The following ZNF12 variants were observed in gnomAD, a reference collection of about 807,000 sequenced individuals.
ZNF12 encodes the protein zinc finger protein 12, also known as gonadotropin inducible transcription repressor 3.
In ZNF12, 34 loss-of-function variants were observed where a neutral mutation model predicts 66.6. The observed-to-expected ratio is 0.51, with a 90% CI of 0.39 to 0.68. ZNF12 has a LOEUF of 0.68. Ranked by LOEUF, ZNF12 falls within the 30% of genes least tolerant of loss-of-function variation. The probability of loss-of-function intolerance (pLI) is 0.00; values close to 1 mark genes in which losing one functional copy is unlikely to be tolerated. For missense variants in ZNF12, 697 were observed against 826.9 expected (o/e 0.84, Z 1.93); for synonymous variants, 320 against 278.9 (o/e 1.15, Z -1.47).
At position 6,697,987 on chromosome 7, in the gene ZNF12, T is replaced by C; in HGVS notation, c.16-176A>G. The C allele has an allele frequency of 4.5e-6, 4 of 881,652 alleles. No homozygotes were observed. The highest frequency in any genetic ancestry group is 7.6e-6 in the Non-Finnish European group (4 of 525,580). 54.6% of individuals were successfully genotyped at this position (881,652 alleles called of 1,614,324 possible). On this transcript the variant is annotated intron_variant, in intron 2 of 4. Transcript: ENST00000405858. This position sits in a 1 kb window ranked among gnomAD's most constrained non-coding sequence, Gnocchi z 6.1. ...ACACTGTTCTGGGGTTCATTCAGTA[T>C]ACATCAAACAAAAAACAAAAAACAA...
Position 6,690,419 on chromosome 7 carries a change from GTA to G in ZNF12, c.*427_*428del, listed in dbSNP as rs1458471876. On this transcript the variant is annotated 3_prime_UTR_variant, in exon 5 of 5. Transcript: ENST00000405858. ...TTTACAGTTTCTATTTACACAAGAA[GTA>G]TGTTTATTCACAGCAGGAATCTTCT... 6.5e-6 allele frequency: 1 copy of G among 152,822 alleles called. No homozygotes were observed. Among genetic ancestry groups the G allele is most frequent in the African/African-American group, 2.4e-5 (1 of 41,046 alleles). 9.5% of individuals were successfully genotyped at this position (152,822 alleles called of 1,614,324 possible).
rs772033062 is a variant in ZNF12 at position 6,692,636 on chromosome 7, T to C, written c.306A>G (p.Gln102=). ...IQEEENKPSR[Q]TVFIETLIEE... is the part of the protein sequence containing the mutation. ...CAATCAGGGTCTCAATGAACACAGT[T>C]TGCCTTGAAGGTTTATTTTCCTCTT... The change falls in exon 5 of 5, where the codon CAA becomes CAG. Residue 102 remains glutamine (Q), a synonymous_variant. Transcript: ENST00000405858. The surrounding 1 kb of genome is among the most constrained non-coding windows in gnomAD (Gnocchi z 5.1). 6.2e-7 allele frequency: 1 copy of C among 1,612,772 alleles called. No homozygotes were observed. The highest frequency in any genetic ancestry group is 2.2e-5 in the East Asian group (1 of 44,856).
rs776369949 is a variant in ZNF12, at chr7:6,691,715, G to A, written c.1227C>T (p.Tyr409=). 1 of 1,613,724 alleles carries A rather than the reference G, an allele frequency of 6.2e-7. No homozygotes were observed. Among genetic ancestry groups the A allele is most frequent in the Non-Finnish European group, 8.5e-7 (1 of 1,179,834 alleles). ...AGCATTTCCCACATTCACTACACTT[G>A]TAGAGTTTCACACCTGTGTGAATTT... ...HQKIHTGVKL[Y]KCSECGKCFC... Residue 409 remains tyrosine (Y), a synonymous_variant, in exon 5 of 5, where the codon TAC becomes TAT. Coordinates refer to ENST00000405858, the MANE Select transcript of ZNF12 (RefSeq NM_016265.4).
chr7:6,701,669 T>A (rs1022208506), intron 2 of ZNF12, among the ~76,000 whole-genome samples: 1 of 152,080 alleles, frequency 6.6e-6, no homozygotes, highest in Admixed American at 6.6e-5. Context: ...GCTGACGAGC[T>A]ATTTCCCTGA....
rs1003335325 is a variant in ZNF12, at chr7:6,706,911, A to T, written c.-530T>A. The T allele has an allele frequency of 2.4e-6, 1 of 413,836 alleles. No homozygotes were observed. Among genetic ancestry groups the T allele is most frequent in the Non-Finnish European group, 4.8e-6 (1 of 208,362 alleles). The allele number at this position is 413,836 out of a possible 1,614,324, so 25.6% of individuals were successfully genotyped here. A position where few individuals can be genotyped will look rare whatever the true frequency, so the allele number is the denominator to read the frequency against. ...AGGCCAAAGCCTGGGAACTAGGGCG[A>T]GCGGTGACCTGGGGACGCACAGGAA... On this transcript the variant is annotated 5_prime_UTR_variant, in exon 1 of 5. Coordinates refer to ENST00000405858, the MANE Select transcript of ZNF12 (RefSeq NM_016265.4).
chr7:6,690,605 A>C lies in ZNF12; in HGVS notation c.*243T>G. On this transcript the variant is annotated 3_prime_UTR_variant, in exon 5 of 5. Transcript: ENST00000405858. ...CAAAACAGTTCCAATCCATGGTGACATGTATATACATTCTTAATATTTATA... is the reference window on the plus strand; with the variant it reads ...CAAAACAGTTCCAATCCATGGTGACCTGTATATACATTCTTAATATTTATA... The C allele has an allele frequency of 5.0e-6, 2 of 403,932 alleles. No individual in the cohort carries two copies. The highest frequency in any genetic ancestry group is 4.4e-6 in the Non-Finnish European group (1 of 228,348). 25.0% of individuals were successfully genotyped at this position (403,932 alleles called of 1,614,324 possible). A position where few individuals can be genotyped will look rare whatever the true frequency, so the allele number is the denominator to read the frequency against.
chr7:6,690,670 TG>T lies in ZNF12; in HGVS notation c.*177del. 1.6e-6 allele frequency: 1 copy of T among 615,562 alleles called. No individual in the cohort carries two copies. Among genetic ancestry groups the T allele is most frequent in the Non-Finnish European group, 2.8e-6 (1 of 363,558 alleles). 38.1% of individuals were successfully genotyped at this position (615,562 alleles called of 1,614,324 possible). ...TATAGTCTAGTATTGTTATACCATG[TG>T]GTCTTGTTATAATCATGGTTTCCAT... On this transcript the variant is annotated 3_prime_UTR_variant, in exon 5 of 5. Transcript: ENST00000405858.
Position 6,697,646 on chromosome 7 carries a change from C to T in ZNF12, c.142+39G>A, listed in dbSNP as rs183815609. 2 of 1,611,444 alleles carry T rather than the reference C, an allele frequency of 1.2e-6. No homozygotes were observed. The highest frequency in any genetic ancestry group is 8.5e-7 in the Non-Finnish European group (1 of 1,178,780). On this transcript the variant is annotated intron_variant, in intron 3 of 4. Coordinates refer to ENST00000405858, the MANE Select transcript of ZNF12 (RefSeq NM_016265.4). The surrounding 1 kb of genome is among the most constrained non-coding windows in gnomAD (Gnocchi z 6.1). ...AAAGTCATAAAATTTGTGAGAAATC[C>T]CATATATTTTAGCAACTGAGAAAGC... is the stretch of plus-strand genomic sequence containing the variant.
At chr7:6,703,904 T>A (rs1780300644) in intron 2 of ZNF12, among the ~76,000 whole-genome samples, 1 of 152,188 alleles carries the variant, frequency 6.6e-6, no homozygotes, top group Non-Finnish European at 1.5e-5. Flanking sequence ...ATTGGCAACC[T>A]TTTCCAACAA....
chr7:6,699,184 A>T (rs1780196019), intron 2 of ZNF12, among the ~76,000 whole-genome samples: 1 of 152,238 alleles, frequency 6.6e-6, no homozygotes, highest in South Asian at 2.1e-4. Flanking sequence ...ATATGGTAGC[A>T]GGAATGGTGT....
In ZNF12 at chr7:6,691,604, G is replaced by A. The variant is rs971376408; in HGVS notation, c.1338C>T (p.Phe446=). 1 of 1,614,064 alleles carries A rather than the reference G, an allele frequency of 6.2e-7. No individual in the cohort carries two copies. Among genetic ancestry groups the A allele is most frequent in the African/African-American group, 1.3e-5 (1 of 75,034 alleles). The change falls in exon 5 of 5, where the codon TTC becomes TTT. Residue 446 remains phenylalanine, a synonymous_variant. Transcript: ENST00000405858. ...GTACAGTGAGATATGACAACCGAGA[G>A]AAGAATTTTCCACACTCATTACATT... The part of the protein sequence containing the change: ...PYECNECGKF[F]SRLSYLTVHY...
Position 6,697,527 on chromosome 7 carries a change from A to C in ZNF12, c.143-93T>G. 1 of 1,530,402 alleles carries C rather than the reference A, an allele frequency of 6.5e-7. No individual in the cohort carries two copies. Among genetic ancestry groups the C allele is most frequent in the Non-Finnish European group, 8.9e-7 (1 of 1,119,962 alleles). 94.8% of individuals were successfully genotyped at this position (1,530,402 alleles called of 1,614,324 possible). A position where few individuals can be genotyped will look rare whatever the true frequency, so the allele number is the denominator to read the frequency against. On this transcript the variant is annotated intron_variant, in intron 3 of 4. Coordinates refer to ENST00000405858, the MANE Select transcript of ZNF12 (RefSeq NM_016265.4). This position sits in a 1 kb window ranked among gnomAD's most constrained non-coding sequence, Gnocchi z 6.1. ...GAAAATTCCATTTGTGTCTTATCAA[A>C]ATCAGAACTTTTCACGGGGGAGATC... is the stretch of plus-strand genomic sequence containing the variant.
chr7:6,693,867 C>A (rs1266948554), intron 4 of ZNF12, among the ~76,000 whole-genome samples: 7 of 152,138 alleles, frequency 4.6e-5, no homozygotes. Context: ...AGTGTACAAA[C>A]CTTACAAATC....
chr7:6,706,054 C>T (rs2115358854), intron 1 of ZNF12, among the ~76,000 whole-genome samples: 1 of 152,280 alleles, frequency 6.6e-6, no homozygotes, highest in East Asian at 1.9e-4. Flanking sequence ...GCAAATGAGG[C>T]AGCAAGAGAT....
At chr7:6,702,107 C>T (rs1239090750) in intron 2 of ZNF12, among the ~76,000 whole-genome samples, 2 of 152,102 alleles carry the variant, frequency 1.3e-5, no homozygotes, top group Non-Finnish European at 2.9e-5. Context: ...CACTATTTCT[C>T]AGTCTTCCTT....
intron 2 of ZNF12, among the ~76,000 whole-genome samples, chr7:6,703,722 T>A (rs970531192): frequency 4.6e-5 from 7 of 152,122 alleles, no homozygotes; most frequent in Non-Finnish European, 8.8e-5. Context: ...GAGGGTGACA[T>A]CAGATAGGTA....
intron 2 of ZNF12, among the ~76,000 whole-genome samples, chr7:6,702,432 ACACAC>A (rs1780265405): frequency 3.3e-5 from 2 of 59,818 alleles, no homozygotes; most frequent in Admixed American, 2.1e-4. Context: ...ACGCACGCAC[ACACAC>A]CAGATTCATC....
In ZNF12 at chr7:6,706,590, G is replaced by A; in HGVS notation, c.-209C>T. Reference sequence around the variant, plus strand: ...GGGCCGGGCCTACGGGACAAATCCAGGCGGGGCGTCCCTCCCGGAGCCCAG... The same window carrying A: ...GGGCCGGGCCTACGGGACAAATCCAAGCGGGGCGTCCCTCCCGGAGCCCAG... On this transcript the variant is annotated 5_prime_UTR_variant, in exon 1 of 5. Transcript: ENST00000405858. The A allele has an allele frequency of 2.2e-6, 1 of 457,586 alleles. No individual in the cohort carries two copies. The highest frequency in any genetic ancestry group is 4.4e-6 in the Non-Finnish European group (1 of 228,650). 28.3% of individuals were successfully genotyped at this position (457,586 alleles called of 1,614,324 possible). A position where few individuals can be genotyped will look rare whatever the true frequency, so the allele number is the denominator to read the frequency against.
At chr7:6,693,653 C>T (rs1343088273) in intron 4 of ZNF12, among the ~76,000 whole-genome samples, 1 of 152,204 alleles carries the variant, frequency 6.6e-6, no homozygotes, top group African/African-American at 2.4e-5. Context: ...ATAATGGCAC[C>T]TACCTCATAA....
Sources: gnomAD v4.1 joint callset for allele counts (sites outside exome capture counted in the v4.1 genomes callset) on GRCh38, gnomAD v4.1.1 for gene constraint, Gnocchi (gnomAD v3.1) non-coding constraint, MANE v1.5 for transcripts, NCBI Gene and HGNC (gene_info 2026-07-23, HGNC 2026-07-21) for gene names.